BCAR3: variants seen among roughly 807,000 people sequenced by gnomAD.
BCAR3 encodes the protein BCAR3 adaptor protein, NSP family member.
BCAR3 carries 37 observed loss-of-function variants against 80.1 expected under a neutral mutation model. That is an observed-to-expected ratio of 0.46 (90% CI 0.36 to 0.61). The LOEUF (loss-of-function observed/expected upper bound fraction) is 0.61. BCAR3 is among the 20% of genes least tolerant of loss of function. The probability of loss-of-function intolerance (pLI) is 0.00; values close to 1 mark genes in which losing one functional copy is unlikely to be tolerated. For synonymous variants in BCAR3, 389 were observed against 418.9 expected, an observed-to-expected ratio of 0.93 and a Z score of 0.87; for missense variants, 978 against 1,068.2, an observed-to-expected ratio of 0.92 and a Z score of 1.18.
Position 93,766,034 on chromosome 1 carries a change from C to A in BCAR3, c.-62-59892G>T, listed in dbSNP as rs548485858. On this transcript the variant is annotated intron_variant, in intron 2 of 13. Coordinates refer to the BCAR3 transcript ENST00000370244. ...TATGGTGTATAGTAGATCTCCAGAA[C>A]TTATTTGTCTTGTGTAACGGAAACT... Among the ~76,000 whole-genome samples the A allele has an allele frequency of 3.3e-5, 5 of 152,266 alleles. No homozygotes were observed. In the South Asian group the frequency reaches 1.0e-3, roughly 32 times the overall value.
chr1:93,588,838 G>T, intron 5 of BCAR3, 139 bp downstream of exon 5: 2 of 974,052 alleles, frequency 2.1e-6, no homozygotes, highest in Non-Finnish European at 2.9e-6. Flanking sequence ...TCACTGCCTC[G>T]TGACAGCTAT....
At chr1:93,763,210 C>T (rs1025901366) in intron 2 of BCAR3, among the ~76,000 whole-genome samples, 1 of 152,094 alleles carries the variant, frequency 6.6e-6, no homozygotes, top group South Asian at 2.1e-4. Context: ...ATTACAGGTG[C>T]ACGTCACCAC....
intron 3 of BCAR3, among the ~76,000 whole-genome samples, chr1:93,628,815 ATTGTT>A (rs1410087352): frequency 2.0e-4 from 30 of 152,186 alleles, no homozygotes; most frequent in African/African-American, 7.2e-4. Context: ...GGGCAGGGAT[ATTGTT>A]TTGTTCACTG....
intron 3 of BCAR3, among the ~76,000 whole-genome samples, chr1:93,701,346 G>T (rs1045328743): frequency 1.3e-5 from 2 of 152,120 alleles, no homozygotes; most frequent in Non-Finnish European, 2.9e-5. Context: ...ACGTGCCTTC[G>T]AGAGGGGCAG....
At chr1:93,692,769 A>G (rs1649240772) in intron 3 of BCAR3, among the ~76,000 whole-genome samples, 1 of 152,172 alleles carries the variant, frequency 6.6e-6, no homozygotes, top group Admixed American at 6.5e-5. Flanking sequence ...TGATTGCTTG[A>G]GCGTGGTGTG....
intron 3 of BCAR3, among the ~76,000 whole-genome samples, chr1:93,629,694 T>C (rs1675552115): frequency 6.6e-6 from 1 of 152,248 alleles, no homozygotes; most frequent in Admixed American, 6.5e-5. Context: ...ATTCTAAAGC[T>C]AGCAATCCAG....
At position 93,567,356 on chromosome 1, in the gene BCAR3, A is replaced by G; in HGVS notation, c.2222T>C (p.Leu741Pro). 6.2e-7 allele frequency: 1 copy of G among 1,614,220 alleles called. No homozygotes were observed. Among genetic ancestry groups the G allele is most frequent in the South Asian group, 1.1e-5 (1 of 91,084 alleles). ...GAATCGCGCTGTTGCCAAATGGTTC[A>G]GCATGATTTCACAGCTCTGGTCGTT... The part of the protein sequence containing the change: ...EKNDQSCEIM[L>P]NHLATARFMA... The change falls in exon 11 of 12, where the codon CTG becomes CCG. Residue 741 changes from leucine to proline, a missense_variant. Physicochemically the swap from Leu to Pro is moderately conservative, Grantham distance 98. Transcript: ENST00000260502.
intron 3 of BCAR3, among the ~76,000 whole-genome samples, chr1:93,628,649 C>T (rs141863394): frequency 7.4e-4 from 112 of 152,264 alleles, no homozygotes; most frequent in African/African-American, 2.5e-3. Flanking sequence ...CCTGGTCACC[C>T]TATCTAAAAT....
chr1:93,696,260 G>A (rs1249627399), intron 3 of BCAR3, among the ~76,000 whole-genome samples: 2 of 152,016 alleles, frequency 1.3e-5, no homozygotes, highest in East Asian at 1.9e-4. Context: ...TGGGACAGAC[G>A]GTTTAAAATT....
intron 4 of BCAR3, among the ~76,000 whole-genome samples, chr1:93,591,562 T>C (rs184060023): frequency 1.3e-5 from 2 of 152,330 alleles, no homozygotes; most frequent in South Asian, 2.1e-4. Flanking sequence ...TGGTTAATGA[T>C]TGGCCAGATC....
intron 2 of BCAR3, among the ~76,000 whole-genome samples, chr1:93,741,156 C>A (rs1440369619): frequency 6.6e-6 from 1 of 152,196 alleles, no homozygotes; most frequent in East Asian, 1.9e-4. Context: ...GAAGTTGTAA[C>A]TAACATCAGT....
At chr1:93,704,061 T>C (rs1314973577) in intron 3 of BCAR3, among the ~76,000 whole-genome samples, 1 of 152,218 alleles carries the variant, frequency 6.6e-6, no homozygotes, top group African/African-American at 2.4e-5. Context: ...ATATAGGACA[T>C]TTCCATCATC....
chr1:93,583,978 G>GT, intron 6 of BCAR3, 40 bp downstream of exon 6: 1 of 1,589,970 alleles, frequency 6.3e-7, no homozygotes, highest in Non-Finnish European at 8.6e-7. Flanking sequence ...GGAAACCAGG[G>GT]TAACACTGAC....
intron 2 of BCAR3, among the ~76,000 whole-genome samples, chr1:93,724,368 G>A (rs970830546): frequency 6.6e-6 from 1 of 152,200 alleles, no homozygotes; most frequent in African/African-American, 2.4e-5. Context: ...TGTTTCTGCT[G>A]CTGGGGCAGC....
intron 3 of BCAR3, 149 bp downstream of exon 3, chr1:93,642,154 TA>T: frequency 1.2e-6 from 1 of 859,562 alleles, no homozygotes; most frequent in South Asian, 1.5e-5. Context: ...ACCAAAGGCC[TA>T]AGGGAGTCAA....
At chr1:93,699,257 T>C (rs1316253005) in intron 3 of BCAR3, among the ~76,000 whole-genome samples, 1 of 152,226 alleles carries the variant, frequency 6.6e-6, no homozygotes, top group East Asian at 1.9e-4. Context: ...ACTCACACTG[T>C]GTCACCTGCA....
At chr1:93,588,938 G>T in intron 5 of BCAR3, 39 bp downstream of exon 5, 1 of 1,506,338 alleles carries the variant, frequency 6.6e-7, no homozygotes, top group South Asian at 1.3e-5. Flanking sequence ...TGGGCACCCC[G>T]GCGCCCCTCA....
intron 2 of BCAR3, among the ~76,000 whole-genome samples, chr1:93,780,222 C>T (rs952457365): frequency 1.3e-5 from 2 of 152,202 alleles, no homozygotes; most frequent in Non-Finnish European, 2.9e-5. Context: ...ATTGTCCTAG[C>T]TCCCCTGATA....
intron 2 of BCAR3, among the ~76,000 whole-genome samples, chr1:93,764,793 A>G (rs12141335): frequency 0.12 from 17,773 of 152,024 alleles, 1,456 homozygotes; most frequent in African/African-American, 0.22. Flanking sequence ...CAATTTTGGT[A>G]TCTAGCTCTC....
Sources: allele counts gnomAD v4.1 joint callset (sites outside exome capture counted in the v4.1 genomes callset), GRCh38; gene constraint gnomAD v4.1.1; transcripts MANE v1.5; gene names NCBI Gene and HGNC (gene_info 2026-07-23, HGNC 2026-07-21).